The following BTBD7 variants were observed in gnomAD, a reference collection of about 807,000 sequenced individuals.
The protein encoded by BTBD7 is BTB/POZ domain-containing protein 7.
Under a neutral mutation model 99.9 loss-of-function variants are expected in BTBD7, and 38 were observed. The observed-to-expected ratio is 0.38, with a 90% confidence interval of 0.29 to 0.50. The LOEUF (loss-of-function observed/expected upper bound fraction) is 0.50, where lower values mean the gene tolerates loss of function less well. Ranked by LOEUF, BTBD7 falls within the 20% of genes least tolerant of loss-of-function variation. BTBD7 has a pLI of 0.93. For synonymous variants in BTBD7, 520 were observed against 511.4 expected (o/e 1.02, Z -0.23); for missense variants, 1,170 against 1,394.6 (o/e 0.84, Z 2.57).
At chr14:93,249,013 C>G (rs2139681524) in intron 8 of BTBD7, among the ~76,000 whole-genome samples, 1 of 152,048 alleles carries the variant, frequency 6.6e-6, no homozygotes, top group East Asian at 1.9e-4. Context: ...TGACTATGCA[C>G]CAGGGATTGG....
In BTBD7 at chr14:93,297,313, A is replaced by G. The variant is rs538742877; in HGVS notation, c.-106-1156T>C. On this transcript the variant is annotated intron_variant, in intron 1 of 10. Transcript: ENST00000334746. ...GTTTTCCTACAATCTTTTATAGACT[A>G]TATTTATATGAAAATTAATTATTTA... Among the ~76,000 whole-genome samples the G allele has an allele frequency of 5.9e-5, 9 of 152,332 alleles. No individual in the cohort carries two copies. In the South Asian group the frequency reaches 1.7e-3, roughly 28 times the overall value.
At chr14:93,275,503 A>G (rs2052644788) in intron 3 of BTBD7, among the ~76,000 whole-genome samples, 1 of 152,244 alleles carries the variant, frequency 6.6e-6, no homozygotes, top group Non-Finnish European at 1.5e-5. Context: ...GTAAAGAGGC[A>G]TAACAGAGTG....
intron 1 of BTBD7, among the ~76,000 whole-genome samples, chr14:93,305,132 T>G (rs555929697): frequency 1.3e-5 from 2 of 152,346 alleles, no homozygotes; most frequent in African/African-American, 4.8e-5. Flanking sequence ...TCTATTTTTC[T>G]TCACATTACG....
chr14:93,321,361 G>T (rs577601122), intron 1 of BTBD7, among the ~76,000 whole-genome samples: 42 of 152,342 alleles, frequency 2.8e-4, no homozygotes, highest in African/African-American at 9.9e-4. Flanking sequence ...CAGAGGCCTA[G>T]GCGGGTGGAT....
intron 3 of BTBD7, among the ~76,000 whole-genome samples, chr14:93,275,083 CA>C (rs2052640553): frequency 2.0e-5 from 3 of 152,288 alleles, no homozygotes; most frequent in South Asian, 4.1e-4. Flanking sequence ...CTATGGTACA[CA>C]GTGGGGGGCT....
intron 1 of BTBD7, among the ~76,000 whole-genome samples, chr14:93,321,152 C>G (rs1382396918): frequency 6.6e-6 from 1 of 152,178 alleles, no homozygotes; most frequent in Non-Finnish European, 1.5e-5. Context: ...TGACACACTA[C>G]ATGAAAGGTA....
rs114623314 is a variant in BTBD7, at chr14:93,289,585, T to C, written c.1162+4273A>G. ...ATTTCAACATCTTCCCCATTGTTGT[T>C]TTCTCCTTAGGTATCTTTGTCTCTT... On this transcript the variant is annotated intron_variant, in intron 3 of 10. Transcript: ENST00000334746. Among the ~76,000 whole-genome samples, 677 of 152,348 alleles carry C rather than the reference T, an allele frequency of 4.4e-3. 8 individuals are homozygous for C. Among genetic ancestry groups the C allele is most frequent in the African/African-American group, 0.016 (660 of 41,576 alleles).
chr14:93,259,001 C>T (rs1001790849), intron 5 of BTBD7, among the ~76,000 whole-genome samples: 23 of 152,178 alleles, frequency 1.5e-4, no homozygotes, highest in African/African-American at 5.3e-4. Flanking sequence ...AGCTTATGGT[C>T]TATAACATTT....
At chr14:93,329,658 T>C (rs150377829) in intron 1 of BTBD7, among the ~76,000 whole-genome samples, 27 of 152,362 alleles carry the variant, frequency 1.8e-4, no homozygotes, top group African/African-American at 4.1e-4. Flanking sequence ...TGGATGGACC[T>C]TGATGACATT....
chr14:93,322,778 T>C (rs760464709), intron 1 of BTBD7, among the ~76,000 whole-genome samples: 16 of 152,236 alleles, frequency 1.1e-4, no homozygotes, highest in Non-Finnish European at 1.5e-4. Context: ...CAGTATCATA[T>C]ATTTTTAAAG....
Position 93,242,499 on chromosome 14 carries a change from G to T in BTBD7, c.3173C>A (p.Thr1058Asn). 6.2e-7 allele frequency: 1 copy of T among 1,614,238 alleles called. No homozygotes were observed. The highest frequency in any genetic ancestry group is 8.5e-7 in the Non-Finnish European group (1 of 1,180,044). ...AAAAGTCAAGTCAGTTTCTACTGCA[G>T]TTCGTCCCCTGACATGGGCTGGACC... The part of the protein sequence containing the change: ...STGPAHVRGR[T>N]AVETDLTFGL... The change falls in exon 11 of 11, where the codon ACT (threonine) becomes AAT (asparagine). Residue 1058 changes from threonine (T) to asparagine (N), a missense_variant. Thr to Asn is a moderately conservative substitution (Grantham distance 65). Around this residue, in one of 4 missense-constraint regions of BTBD7, gnomAD observed 495 missense variants for 525.9 expected, o/e 0.94. Transcript: ENST00000334746.
rs1206125376 is a variant in BTBD7 at position 93,239,552 on chromosome 14, A to G, written c.*2721T>C. On this transcript the variant is annotated 3_prime_UTR_variant, in exon 11 of 11. Transcript: ENST00000334746. ...ATGGGTTCAAAAGCCAGAGGCATGT[A>G]GCTCTTGAACCTACCCTAGTAACCA... The G allele has an allele frequency of 1.3e-5, 2 of 152,258 alleles. No homozygotes were observed. Among genetic ancestry groups the G allele is most frequent in the Non-Finnish European group, 2.9e-5 (2 of 68,018 alleles). 9.4% of individuals were successfully genotyped at this position (152,258 alleles called of 1,614,324 possible).
intron 1 of BTBD7, among the ~76,000 whole-genome samples, chr14:93,297,806 G>T (rs892917827): frequency 6.6e-6 from 1 of 151,972 alleles, no homozygotes; most frequent in Non-Finnish European, 1.5e-5. Context: ...ACAAAAAACA[G>T]CACAAACAAT....
rs111414720 is a variant in BTBD7, at chr14:93,313,912, A to AT, written c.-106-17756dup. On this transcript the variant is annotated intron_variant, in intron 1 of 10. Coordinates refer to ENST00000334746, the MANE Select transcript of BTBD7 (RefSeq NM_001002860.4). Reference sequence around the variant, plus strand: ...GCGTGCCCAGCTAATGAACAACAAAATTTTTTTTTTTTTTGGTACAGACGG... The same window carrying AT: ...GCGTGCCCAGCTAATGAACAACAAAATTTTTTTTTTTTTTTGGTACAGACGG... Among the ~76,000 whole-genome samples, 1,370 of 143,938 alleles carry AT rather than the reference A, an allele frequency of 9.5e-3. 7 individuals are homozygous for AT. Among genetic ancestry groups the AT allele is most frequent in the African/African-American group, 0.012 (478 of 39,408 alleles). 94.4% of individuals were successfully genotyped at this position (143,938 alleles called of 152,430 possible).
intron 1 of BTBD7, among the ~76,000 whole-genome samples, chr14:93,305,281 C>T (rs778435831): frequency 6.6e-6 from 1 of 152,098 alleles, no homozygotes; most frequent in Non-Finnish European, 1.5e-5. Context: ...AGAATATTTG[C>T]TATTTAAAGA....
In BTBD7 at chr14:93,241,148, CTT is replaced by C. The variant is rs36076608; in HGVS notation, c.*1123_*1124del. The stretch of plus-strand genomic sequence containing the variant: ...TAAGTTACTTCTCTATTTCCACTGC[CTT>C]TTTTTTTTTTTTTGAGACAGGGTCT... On this transcript the variant is annotated 3_prime_UTR_variant, in exon 11 of 11. Coordinates refer to ENST00000334746, the MANE Select transcript of BTBD7 (RefSeq NM_001002860.4). The C allele has an allele frequency of 4.3e-4, 60 of 139,686 alleles. No individual in the cohort carries two copies. Among genetic ancestry groups the C allele is most frequent in the Admixed American group, 5.0e-4 (7 of 13,934 alleles). 8.7% of individuals were successfully genotyped at this position (139,686 alleles called of 1,614,324 possible).
At chr14:93,273,830 G>A (rs189023507) in intron 3 of BTBD7, among the ~76,000 whole-genome samples, 3 of 152,330 alleles carry the variant, frequency 2.0e-5, no homozygotes, top group South Asian at 4.1e-4. Context: ...CCTGTTCTGG[G>A]AGGAAAGAGT....
intron 3 of BTBD7, among the ~76,000 whole-genome samples, chr14:93,290,281 C>T (rs2052833265): frequency 6.6e-6 from 1 of 151,732 alleles, no homozygotes; most frequent in Non-Finnish European, 1.5e-5. Context: ...GGTGCGATCT[C>T]AGCTCACTGC....
intron 3 of BTBD7, among the ~76,000 whole-genome samples, chr14:93,284,404 T>C (rs2052754678): frequency 1.3e-5 from 2 of 152,102 alleles, no homozygotes; most frequent in Admixed American, 6.5e-5. Context: ...TTTCATTTTG[T>C]TTGCAACTCC....
Sources: allele counts gnomAD v4.1 joint callset (sites outside exome capture counted in the v4.1 genomes callset), GRCh38; gene constraint gnomAD v4.1.1; regional missense constraint gnomAD v4.1.1; transcripts MANE v1.5; gene names NCBI Gene and HGNC (gene_info 2026-07-23, HGNC 2026-07-21).